Variants in GPR61 observed in about 807,000 individuals in gnomAD.
The protein encoded by GPR61 is G protein-coupled receptor 61.
GPR61 carries 15 observed loss-of-function variants against 29.2 expected under a neutral mutation model. That is an observed-to-expected ratio of 0.51 (90% CI 0.34 to 0.79). GPR61 has a LOEUF of 0.79. Ranked by LOEUF, GPR61 falls within the 30% of genes least tolerant of loss-of-function variation. GPR61 has a pLI of 0.01. For missense variants in GPR61, 399 were observed against 582.5 expected, an observed-to-expected ratio of 0.69 and a Z score of 3.24; for synonymous variants, 238 against 242.3, an observed-to-expected ratio of 0.98 and a Z score of 0.17.
rs1365127038 is a variant in GPR61 at position 109,543,627 on chromosome 1, G to T, written c.605G>T (p.Ser202Ile). The change falls in exon 2 of 2, where the codon AGT (serine) becomes ATT (isoleucine). Residue 202 changes from serine (S) to isoleucine (I), a missense_variant. Coordinates refer to ENST00000527748, the MANE Select transcript of GPR61 (RefSeq NM_001393907.1). This position sits in a 1 kb window ranked among gnomAD's most constrained non-coding sequence, Gnocchi z 6.8. ...PPGCSLQWSH[S>I]AYCQLFVVVF... ...GGCTGTTCACTCCAGTGGAGCCACA[G>T]TGCCTACTGCCAGCTTTTTGTGGTG... is the stretch of plus-strand genomic sequence containing the variant. 1 of 1,614,158 alleles carries T rather than the reference G, an allele frequency of 6.2e-7. No homozygotes were observed. The highest frequency in any genetic ancestry group is 1.1e-5 in the South Asian group (1 of 91,088).
In GPR61 at chr1:109,546,720, C is replaced by G. The variant is rs978087078; in HGVS notation, c.*2342C>G. 1.3e-5 allele frequency: 2 copies of G among 152,120 alleles called. No individual in the cohort carries two copies. The highest frequency in any genetic ancestry group is 2.9e-5 in the Non-Finnish European group (2 of 68,024). 9.4% of individuals were successfully genotyped at this position (152,120 alleles called of 1,614,324 possible). On this transcript the variant is annotated 3_prime_UTR_variant, in exon 2 of 2. Transcript: ENST00000527748. The stretch of plus-strand genomic sequence containing the variant: ...ATGGGTTCATTTGCCATTTATTTTT[C>G]CCTGTAGGAGTGGATCATGAAGGAA...
Position 109,545,455 on chromosome 1 carries a change from C to T in GPR61, c.*1077C>T, listed in dbSNP as rs1647770854. ...TGCCTTCCTACTCCCATTCATCGCT[C>T]TCAAAATTAGCTTCAGTGACAAAGA... On this transcript the variant is annotated 3_prime_UTR_variant, in exon 2 of 2. Coordinates refer to ENST00000527748, the MANE Select transcript of GPR61 (RefSeq NM_001393907.1). The T allele has an allele frequency of 6.6e-6, 1 of 152,170 alleles. No homozygotes were observed. The highest frequency in any genetic ancestry group is 1.5e-5 in the Non-Finnish European group (1 of 68,042). The allele number at this position is 152,170 out of a possible 1,614,324, so 9.4% of individuals were successfully genotyped here.
At chr1:109,540,541 A>G (rs564439251) in intron 1 of GPR61, among the ~76,000 whole-genome samples, 1 of 152,344 alleles carries the variant, frequency 6.6e-6, no homozygotes, top group East Asian at 1.9e-4. Flanking sequence ...CTCAGGCCCT[A>G]GTGGCAAAGC....
Position 109,544,163 on chromosome 1 carries a change from T to C in GPR61, c.1141T>C (p.Phe381Leu). ...CCGGGAGGGCTCCATTGAGGAGAACTTCCTGCAGTTCCTTCAGGGGACTGG... is the reference window on the plus strand; with the variant it reads ...CCGGGAGGGCTCCATTGAGGAGAACCTCCTGCAGTTCCTTCAGGGGACTGG... ...PSREGSIEEN[F>L]LQFLQGTGCP... The change falls in exon 2 of 2, where the codon TTC becomes CTC. Residue 381 changes from phenylalanine to leucine, a missense_variant. Physicochemically the swap from Phe to Leu is conservative, Grantham distance 22 (BLOSUM62 0). Around this residue, in one of 3 missense-constraint regions of GPR61, gnomAD observed 320 missense variants for 459.8 expected, o/e 0.70. Transcript: ENST00000527748. The surrounding 1 kb of genome is among the most constrained non-coding windows in gnomAD (Gnocchi z 4.6). The C allele has an allele frequency of 1.9e-6, 3 of 1,614,074 alleles. No homozygotes were observed. The highest frequency in any genetic ancestry group is 2.2e-5 in the East Asian group (1 of 44,876).
In GPR61 at chr1:109,543,156, C is replaced by A; in HGVS notation, c.134C>A (p.Ala45Asp). 6.2e-7 allele frequency: 1 copy of A among 1,610,882 alleles called. No individual in the cohort carries two copies. The highest frequency in any genetic ancestry group is 2.2e-5 in the East Asian group (1 of 44,854). Residue 45 changes from alanine to aspartate, a missense_variant, in exon 2 of 2, where the codon GCC (alanine) becomes GAC (aspartate). Ala to Asp is a moderately radical substitution (Grantham distance 126). Around this residue, in one of 3 missense-constraint regions of GPR61, gnomAD observed 78 missense variants for 101.0 expected, o/e 0.77. Coordinates refer to ENST00000527748, the MANE Select transcript of GPR61 (RefSeq NM_001393907.1). This position sits in a 1 kb window ranked among gnomAD's most constrained non-coding sequence, Gnocchi z 6.8. ...GLRDVASESV[A>D]LFFMLLLDLT... is the part of the protein sequence containing the mutation. Reference sequence around the variant, plus strand: ...CGGGATGTTGCTTCGGAATCTGTGGCCCTCTTCTTCATGCTCCTGCTGGAC... The same window carrying A: ...CGGGATGTTGCTTCGGAATCTGTGGACCTCTTCTTCATGCTCCTGCTGGAC...
At position 109,544,260 on chromosome 1, in the gene GPR61, G is replaced by C; in HGVS notation, c.1238G>C (p.Arg413Pro). The C allele has an allele frequency of 6.2e-7, 1 of 1,613,924 alleles. No individual in the cohort carries two copies. The highest frequency in any genetic ancestry group is 1.1e-5 in the South Asian group (1 of 91,074). Residue 413 changes from arginine to proline, a missense_variant, in exon 2 of 2, where the codon CGA becomes CCA. Around this residue, in one of 3 missense-constraint regions of GPR61, gnomAD observed 320 missense variants for 459.8 expected, o/e 0.70. Coordinates refer to ENST00000527748, the MANE Select transcript of GPR61 (RefSeq NM_001393907.1). The surrounding 1 kb of genome is among the most constrained non-coding windows in gnomAD (Gnocchi z 4.6). The part of the protein sequence containing the change: ...PKQEPPAVDF[R>P]IPGQIAEETS... ...CAGGAGCCACCTGCTGTTGACTTTC[G>C]AATCCCAGGCCAGATAGCTGAGGAG...
In GPR61 at chr1:109,541,228, G is replaced by A. The variant is rs564558225; in HGVS notation, c.-601-1194G>A. ...CTTAACTGTGAAATGAGCTTTCTGTGTCCCTAGAGAGAGGCACGTCTCTAG... is the reference window on the plus strand; with the variant it reads ...CTTAACTGTGAAATGAGCTTTCTGTATCCCTAGAGAGAGGCACGTCTCTAG... On this transcript the variant is annotated intron_variant, in intron 1 of 1. Transcript: ENST00000527748. 4.6e-5 allele frequency among the ~76,000 whole-genome samples: 7 copies of A among 152,244 alleles called. No individual in the cohort carries two copies. In the East Asian group the frequency reaches 9.7e-4, roughly 21 times the overall value.
rs1382695191 is a variant in GPR61 at position 109,543,855 on chromosome 1, G to A, written c.833G>A (p.Arg278Gln). 25 of 1,613,168 alleles carry A rather than the reference G, an allele frequency of 1.5e-5. No individual in the cohort carries two copies. The highest frequency in any genetic ancestry group is 1.7e-5 in the Admixed American group (1 of 60,010). The change falls in exon 2 of 2, where the codon CGG (arginine) becomes CAG (glutamine). Residue 278 changes from arginine (R) to glutamine (Q), a missense_variant. By Grantham distance (43) the Arg-to-Gln change is conservative (BLOSUM62 1). Transcript: ENST00000527748. The surrounding 1 kb of genome is among the most constrained non-coding windows in gnomAD (Gnocchi z 6.8). ...SSGAPQTTPH[R>Q]TFGGGKAAVV... ...GGGGCCCCCCAGACCACCCCACACC[G>A]GACGTTTGGGGGAGGGAAAGCAGCA...
chr1:109,541,514 A>G (rs1214970065), intron 1 of GPR61, among the ~76,000 whole-genome samples: 1 of 152,252 alleles, frequency 6.6e-6, no homozygotes, highest in Admixed American at 6.5e-5. Context: ...GTAAGGCTAT[A>G]ACTGTGGAGG....
In GPR61 at chr1:109,541,674, C is replaced by G. The variant is rs375696070; in HGVS notation, c.-601-748C>G. On this transcript the variant is annotated intron_variant, in intron 1 of 1. Coordinates refer to ENST00000527748, the MANE Select transcript of GPR61 (RefSeq NM_001393907.1). Reference sequence around the variant, plus strand: ...CCAATGCGGCTCTTGGTCAGGGATCCTCCAAGGGTCAGCTCCAGAGATCAG... The same window carrying G: ...CCAATGCGGCTCTTGGTCAGGGATCGTCCAAGGGTCAGCTCCAGAGATCAG... 4.6e-4 allele frequency among the ~76,000 whole-genome samples: 70 copies of G among 152,330 alleles called. No individual in the cohort carries two copies. In the East Asian group the frequency reaches 6.9e-3, roughly 15 times the overall value.
chr1:109,546,480 C>CG lies in GPR61; in HGVS notation c.*2103dup, dbSNP rs1647800813. 6.6e-6 allele frequency: 1 copy of CG among 152,194 alleles called. No homozygotes were observed. Among genetic ancestry groups the CG allele is most frequent in the Non-Finnish European group, 1.5e-5 (1 of 68,072 alleles). 9.4% of individuals were successfully genotyped at this position (152,194 alleles called of 1,614,324 possible). A position where few individuals can be genotyped will look rare whatever the true frequency, so the allele number is the denominator to read the frequency against. ...GTGAGCCCAATGGAAGGAGGAAAGG[C>CG]GAGTGTACGTGGTGGGAGGAGGAAG... On this transcript the variant is annotated 3_prime_UTR_variant, in exon 2 of 2. Coordinates refer to ENST00000527748, the MANE Select transcript of GPR61 (RefSeq NM_001393907.1).
chr1:109,542,674 G>A lies in GPR61; in HGVS notation c.-349G>A, dbSNP rs765694971. The A allele has an allele frequency of 5.9e-5, 30 of 508,266 alleles. No homozygotes were observed. The highest frequency in any genetic ancestry group is 4.6e-4 in the South Asian group (30 of 65,018). The allele number at this position is 508,266 out of a possible 1,614,324, so 31.5% of individuals were successfully genotyped here. A position where few individuals can be genotyped will look rare whatever the true frequency, so the allele number is the denominator to read the frequency against. ...AGTTCTGGAAAGGGTAGAAGGGTAT[G>A]GAGAACAAGAATGGCAGAAAGGAGA... On this transcript the variant is annotated 5_prime_UTR_variant, in exon 2 of 2. The change abolishes an upstream ATG in the 5' untranslated region. Transcript: ENST00000527748.
rs1223495799 is a variant in GPR61 at position 109,543,445 on chromosome 1, C to T, written c.423C>T (p.Tyr141=). ...LSVSAINVER[Y]YYVVHPMRYE... is the part of the protein sequence containing the mutation. ...TGTCAGCCATCAATGTGGAGCGCTA[C>T]TATTACGTAGTCCACCCCATGCGCT... The change falls in exon 2 of 2, where the codon TAC becomes TAT. Residue 141 remains tyrosine (Y), a synonymous_variant. Coordinates refer to ENST00000527748, the MANE Select transcript of GPR61 (RefSeq NM_001393907.1). The surrounding 1 kb of genome is among the most constrained non-coding windows in gnomAD (Gnocchi z 6.8). 6.2e-7 allele frequency: 1 copy of T among 1,613,246 alleles called. No homozygotes were observed. Among genetic ancestry groups the T allele is most frequent in the East Asian group, 2.2e-5 (1 of 44,854 alleles).
rs1282127195 is a variant in GPR61, at chr1:109,546,865, T to A, written c.*2487T>A. ...AAGTTCAATACGTAATCTTTGGCTC[T>A]GAAAGCTGTTCCTGGACAAAATCTG... On this transcript the variant is annotated 3_prime_UTR_variant, in exon 2 of 2. Coordinates refer to ENST00000527748, the MANE Select transcript of GPR61 (RefSeq NM_001393907.1). 6.6e-6 allele frequency: 1 copy of A among 152,232 alleles called. No individual in the cohort carries two copies. The highest frequency in any genetic ancestry group is 1.5e-5 in the Non-Finnish European group (1 of 68,028). 9.4% of individuals were successfully genotyped at this position (152,232 alleles called of 1,614,324 possible).
rs1435379859 is a variant in GPR61 at position 109,545,194 on chromosome 1, T to C, written c.*816T>C. 6.6e-6 allele frequency: 1 copy of C among 152,252 alleles called. No individual in the cohort carries two copies. Among genetic ancestry groups the C allele is most frequent in the African/African-American group, 2.4e-5 (1 of 41,452 alleles). 9.4% of individuals were successfully genotyped at this position (152,252 alleles called of 1,614,324 possible). ...TCTCTTTTAGGAGGAAGAATTAGAA[T>C]GACTGGGGGTCAGACGGGCGAGGGT... On this transcript the variant is annotated 3_prime_UTR_variant, in exon 2 of 2. Transcript: ENST00000527748.
In GPR61 at chr1:109,542,991, A is replaced by G. The variant is rs768342476; in HGVS notation, c.-32A>G. 6.4e-7 allele frequency: 1 copy of G among 1,554,002 alleles called. No homozygotes were observed. Among genetic ancestry groups the G allele is most frequent in the Admixed American group, 1.9e-5 (1 of 53,396 alleles). ...CTAGGATGGGGGATGGGCCTGTGAC[A>G]GGAGGTACCCTGGGTGCCCTCTTTC... On this transcript the variant is annotated 5_prime_UTR_variant, in exon 2 of 2. Coordinates refer to ENST00000527748, the MANE Select transcript of GPR61 (RefSeq NM_001393907.1).
intron 1 of GPR61, among the ~76,000 whole-genome samples, chr1:109,541,726 G>A (rs1647647984): frequency 6.6e-6 from 1 of 152,250 alleles, no homozygotes; most frequent in Non-Finnish European, 1.5e-5. Flanking sequence ...GGAGCAGGAG[G>A]TTGGCAGCAG....
intron 1 of GPR61, among the ~76,000 whole-genome samples, chr1:109,541,954 A>G (rs557905196): frequency 1.3e-5 from 2 of 152,346 alleles, no homozygotes; most frequent in East Asian, 3.9e-4. Context: ...AAAGAGCCTA[A>G]AGCACAGCTC....
chr1:109,542,135 A>C (rs1368570237), intron 1 of GPR61, among the ~76,000 whole-genome samples: 1 of 152,246 alleles, frequency 6.6e-6, no homozygotes, highest in Non-Finnish European at 1.5e-5. Context: ...CTGCCCAGGT[A>C]GGTGCCCAGC....
Sources: gnomAD v4.1 joint callset for allele counts (sites outside exome capture counted in the v4.1 genomes callset) on GRCh38, gnomAD v4.1.1 for gene constraint, gnomAD v4.1.1 regional missense constraint, Gnocchi (gnomAD v3.1) non-coding constraint, MANE v1.5 for transcripts, NCBI Gene and HGNC (gene_info 2026-07-23, HGNC 2026-07-21) for gene names.